The following POC1B variants were observed in gnomAD, a reference collection of about 807,000 sequenced individuals.
POC1B encodes POC1 centriolar protein B.
POC1B carries 44 observed loss-of-function variants against 60.6 expected under a neutral mutation model. That is an observed-to-expected ratio of 0.73 (90% CI 0.57 to 0.93). The LOEUF is 0.93. Ranked by LOEUF, POC1B falls within the 40% of genes least tolerant of loss-of-function variation. The pLI is 0.00. For synonymous variants in POC1B, 180 were observed against 198.9 expected (o/e 0.90, Z 0.80); for missense variants, 555 against 572.3 (o/e 0.97, Z 0.31).
intron 2 of POC1B, chr12:89,519,871 CAT>C (rs1870704140): frequency 6.6e-6 from 1 of 152,182 alleles, no homozygotes; most frequent in Non-Finnish European, 1.5e-5. Flanking sequence ...CACTAAATGA[CAT>C]AGTGAACATT....
intron 11 of POC1B, among the ~76,000 whole-genome samples, chr12:89,421,850 G>C (rs1880548485): frequency 6.6e-6 from 1 of 152,156 alleles, no homozygotes. Context: ...GCTTACGCTA[G>C]TGTTGGACAC....
At chr12:89,480,743 G>A (rs887273465) in intron 4 of POC1B, among the ~76,000 whole-genome samples, 10 of 151,996 alleles carry the variant, frequency 6.6e-5, no homozygotes, top group African/African-American at 2.4e-4. Context: ...TGGGACTACA[G>A]GCGCCCGCCA....
At position 89,420,128 on chromosome 12, in the gene POC1B, C is replaced by T. The variant is rs1880468787; in HGVS notation, c.*1025G>A. ...AGCTGAAATTAATTTGCTTGCTTTT[C>T]TTCAATTTAATCTCAATTTGGTTTA... On this transcript the variant is annotated 3_prime_UTR_variant, in exon 12 of 12. Coordinates refer to ENST00000313546, the MANE Select transcript of POC1B (RefSeq NM_172240.3). 2 of 152,112 alleles carry T rather than the reference C, an allele frequency of 1.3e-5. No individual in the cohort carries two copies. The highest frequency in any genetic ancestry group is 1.3e-4 in the Admixed American group (2 of 15,274). 9.4% of individuals were successfully genotyped at this position (152,112 alleles called of 1,614,324 possible).
At chr12:89,499,926 A>C (rs1869462197) in intron 2 of POC1B, among the ~76,000 whole-genome samples, 1 of 152,250 alleles carries the variant, frequency 6.6e-6, no homozygotes, top group Non-Finnish European at 1.5e-5. Context: ...TTGTTGGCGC[A>C]CGCCTTCCAG....
rs1256425873 is a variant in POC1B at position 89,420,631 on chromosome 12, T to G, written c.*522A>C. On this transcript the variant is annotated 3_prime_UTR_variant, in exon 12 of 12. Coordinates refer to ENST00000313546, the MANE Select transcript of POC1B (RefSeq NM_172240.3). Reference sequence around the variant, plus strand: ...AATTCTGTGGTCTGGGAATTTTTATTTGTTCATTCTTTCAAGGCATTAGTA... The same window carrying G: ...AATTCTGTGGTCTGGGAATTTTTATGTGTTCATTCTTTCAAGGCATTAGTA... 1 of 152,308 alleles carries G rather than the reference T, an allele frequency of 6.6e-6. No homozygotes were observed. Among genetic ancestry groups the G allele is most frequent in the Non-Finnish European group, 1.5e-5 (1 of 68,114 alleles). The allele number at this position is 152,308 out of a possible 1,614,324, so 9.4% of individuals were successfully genotyped here. A position where few individuals can be genotyped will look rare whatever the true frequency, so the allele number is the denominator to read the frequency against.
chr12:89,522,986 C>T lies in POC1B; in HGVS notation c.100+2134G>A, dbSNP rs757742139. The stretch of plus-strand genomic sequence containing the variant: ...ATAATGTTTGCTGGTACAGGGAACC[C>T]ATCTTTGGGACAATTTTGCATTCCC... On this transcript the variant is annotated intron_variant, in intron 2 of 11. Coordinates refer to ENST00000313546, the MANE Select transcript of POC1B (RefSeq NM_172240.3). 25 of 1,613,836 alleles carry T rather than the reference C, an allele frequency of 1.5e-5. No homozygotes were observed. The East Asian group carries it at 4.2e-4, about 27-fold the overall frequency.
chr12:89,523,439 C>CAT, intron 2 of POC1B: 1 of 1,614,064 alleles, frequency 6.2e-7, no homozygotes. Context: ...TTGGGGCGAG[C>CAT]ATATGGTGCC....
Position 89,433,129 on chromosome 12 carries a change from C to G in POC1B, c.1114-7750G>C, listed in dbSNP as rs140116364. ...TGATTGGATAGCACTCAGAAGAATG[C>G]AAAGTGAAGAAATAAAGACAGTGAA... On this transcript the variant is annotated intron_variant, in intron 10 of 11. Transcript: ENST00000313546. Among the ~76,000 whole-genome samples, 986 of 152,066 alleles carry G rather than the reference C, an allele frequency of 6.5e-3. 14 individuals carry two copies. The highest frequency in any genetic ancestry group is 0.023 in the African/African-American group (935 of 41,464).
chr12:89,458,515 T>C (rs1882346314), intron 10 of POC1B, among the ~76,000 whole-genome samples: 1 of 152,160 alleles, frequency 6.6e-6, no homozygotes, highest in Non-Finnish European at 1.5e-5. Context: ...CACTTCGTTT[T>C]TGTCACTGAA....
chr12:89,479,889 A>AT (rs1386228864), intron 4 of POC1B, among the ~76,000 whole-genome samples: 1 of 152,186 alleles, frequency 6.6e-6, no homozygotes, highest in Non-Finnish European at 1.5e-5. Flanking sequence ...ATTCATCTAA[A>AT]TTTTTTTGGT....
intron 2 of POC1B, among the ~76,000 whole-genome samples, chr12:89,498,436 A>C (rs1335311185): frequency 1.3e-5 from 2 of 152,232 alleles, no homozygotes; most frequent in African/African-American, 4.8e-5. Flanking sequence ...GAATCACTAA[A>C]TCTGGATTGT....
In POC1B at chr12:89,525,622, G is replaced by A. The variant is rs1179395118; in HGVS notation, c.15+259C>T. 4 of 1,281,184 alleles carry A rather than the reference G, an allele frequency of 3.1e-6. No homozygotes were observed. The Admixed American group carries it at 1.5e-4, about 48-fold the overall frequency. 79.4% of individuals were successfully genotyped at this position (1,281,184 alleles called of 1,614,324 possible). On this transcript the variant is annotated intron_variant, in intron 1 of 11. Coordinates refer to ENST00000313546, the MANE Select transcript of POC1B (RefSeq NM_172240.3). ...CCACGGAAACCCTCCGAGAATTCTG[G>A]GGGCCGTGGGGCCGCCCAGCTCAGT... is the stretch of plus-strand genomic sequence containing the variant.
intron 4 of POC1B, among the ~76,000 whole-genome samples, chr12:89,487,923 A>G (rs1020689320): frequency 1.6e-5 from 2 of 124,200 alleles, no homozygotes; most frequent in Non-Finnish European, 3.4e-5. Context: ...CTTAGGACAC[A>G]CCATTTTATA....
At chr12:89,402,371 C>CT in the POC1B span, among the ~76,000 whole-genome samples, 1 of 145,858 alleles carries the variant, frequency 6.9e-6, no homozygotes, top group African/African-American at 2.5e-5. Flanking sequence ...ACACACACAC[C>CT]CCTTTAAAAA....
chr12:89,428,280 C>T (rs1391263122), intron 10 of POC1B: 1 of 152,272 alleles, frequency 6.6e-6, no homozygotes, highest in African/African-American at 2.4e-5. Context: ...TGACTGCATC[C>T]TTCTTGACCT....
At chr12:89,423,458 T>C (rs1365565696) in intron 11 of POC1B, among the ~76,000 whole-genome samples, 2 of 152,168 alleles carry the variant, frequency 1.3e-5, no homozygotes, top group Non-Finnish European at 2.9e-5. Flanking sequence ...TTTTATACAT[T>C]ATCACAGTTC....
At chr12:89,435,976 C>T (rs1382523411) in intron 10 of POC1B, among the ~76,000 whole-genome samples, 2 of 149,844 alleles carry the variant, frequency 1.3e-5, no homozygotes, top group Non-Finnish European at 3.0e-5. Flanking sequence ...GACAGAATCT[C>T]ACTATGTCGC....
chr12:89,478,212 C>T (rs923439215), intron 4 of POC1B, among the ~76,000 whole-genome samples: 2 of 152,182 alleles, frequency 1.3e-5, no homozygotes, highest in Admixed American at 6.5e-5. Context: ...TGGGTTCAAG[C>T]GATTCTCATG....
chr12:89,478,180 G>A (rs1391582946), intron 4 of POC1B, among the ~76,000 whole-genome samples: 2 of 152,084 alleles, frequency 1.3e-5, no homozygotes, highest in African/African-American at 2.4e-5. Flanking sequence ...CGGGATCTTA[G>A]CTCACTGCGA....
Sources: gnomAD v4.1 joint callset for allele counts (sites outside exome capture counted in the v4.1 genomes callset) on GRCh38, gnomAD v4.1.1 for gene constraint, MANE v1.5 for transcripts, NCBI Gene and HGNC (gene_info 2026-07-23, HGNC 2026-07-21) for gene names.